The following BAG2 variants were observed in gnomAD, a reference collection of about 807,000 sequenced individuals.
BAG2 encodes the protein BAG cochaperone 2.
Under a neutral mutation model 16.4 loss-of-function variants are expected in BAG2, and 8 were observed. The ratio of observed to expected loss-of-function variants is 0.49; its 90% CI spans 0.29 to 0.88. BAG2 has a LOEUF of 0.88. Ranked by LOEUF, BAG2 falls within the 40% of genes least tolerant of loss-of-function variation. The pLI is 0.09. For synonymous variants in BAG2, 82 were observed against 89.2 expected (o/e 0.92, Z 0.46); for missense variants, 218 against 248.9 (o/e 0.88, Z 0.84).
chr6:57,183,068 G>T (rs779342211), intron 2 of BAG2, among the ~76,000 whole-genome samples: 1 of 152,206 alleles, frequency 6.6e-6, no homozygotes, highest in Non-Finnish European at 1.5e-5. Flanking sequence ...ACATGGTACT[G>T]GGCCAAGTGG....
At position 57,172,575 on chromosome 6, in the gene BAG2, CG is replaced by C. The variant is rs1764151411; in HGVS notation, c.-120del. The stretch of plus-strand genomic sequence containing the variant: ...GGCGAGTCCTCCCGGGTTGCCCCCG[CG>C]GGCGTCAGAGGGAGGGCGGGCGCCC... On this transcript the variant is annotated 5_prime_UTR_variant, in exon 1 of 3. Transcript: ENST00000370693. 2 of 766,256 alleles carry C rather than the reference CG, an allele frequency of 2.6e-6. No individual in the cohort carries two copies. The highest frequency in any genetic ancestry group is 5.7e-5 in the South Asian group (2 of 35,300). The allele number at this position is 766,256 out of a possible 1,614,324, so 47.5% of individuals were successfully genotyped here.
intron 1 of BAG2, chr6:57,173,060 C>A: frequency 1.2e-6 from 1 of 836,426 alleles, no homozygotes; most frequent in Non-Finnish European, 1.6e-6. Flanking sequence ...TTATCGGTGG[C>A]CACACTTTGA....
chr6:57,173,918 G>T (rs1420169924), intron 1 of BAG2: 1 of 154,824 alleles, frequency 6.5e-6, no homozygotes, highest in Admixed American at 6.3e-5. Flanking sequence ...AATAACCACG[G>T]TATCTCTTAA....
Position 57,184,206 on chromosome 6 carries a change from GCATTTA to G in BAG2, c.*19_*24del, listed in dbSNP as rs1562643402. The G allele has an allele frequency of 6.6e-7, 1 of 1,518,574 alleles. No homozygotes were observed. Among genetic ancestry groups the G allele is most frequent in the Non-Finnish European group, 8.8e-7 (1 of 1,141,752 alleles). The allele number at this position is 1,518,574 out of a possible 1,614,324, so 94.1% of individuals were successfully genotyped here. A position where few individuals can be genotyped will look rare whatever the true frequency, so the allele number is the denominator to read the frequency against. ...ATTCAATTAGTCTTCAAACCTAAGA[GCATTTA>G]CACAATACACAAGGTGTAAAAATGA... On this transcript the variant is annotated 3_prime_UTR_variant, in exon 3 of 3. Coordinates refer to ENST00000370693, the MANE Select transcript of BAG2 (RefSeq NM_004282.4).
chr6:57,175,716 C>T (rs1764263344), intron 1 of BAG2, among the ~76,000 whole-genome samples: 1 of 152,230 alleles, frequency 6.6e-6, no homozygotes. Context: ...TTCTGGATAG[C>T]TGGACATGTG....
chr6:57,174,713 A>G (rs1327764226), intron 1 of BAG2, among the ~76,000 whole-genome samples: 1 of 152,174 alleles, frequency 6.6e-6, no homozygotes, highest in Admixed American at 6.5e-5. Flanking sequence ...AGATCCTATT[A>G]AAGTTTTTTT....
At chr6:57,175,629 C>T (rs1208549280) in intron 1 of BAG2, among the ~76,000 whole-genome samples, 1 of 152,222 alleles carries the variant, frequency 6.6e-6, no homozygotes, top group East Asian at 1.9e-4. Flanking sequence ...AATCACTTTT[C>T]TACATGGTTG....
intron 1 of BAG2, 67 bp downstream of exon 1, chr6:57,172,877 G>A (rs1171994879): frequency 4.1e-5 from 53 of 1,305,516 alleles, no homozygotes; most frequent in Non-Finnish European, 5.2e-5. Flanking sequence ...GCGGTTAGCG[G>A]ACGGAGGCCG....
At position 57,172,746 on chromosome 6, in the gene BAG2, C is replaced by A; in HGVS notation, c.49C>A (p.Arg17Ser). 6.3e-7 allele frequency: 1 copy of A among 1,582,554 alleles called. No individual in the cohort carries two copies. Among genetic ancestry groups the A allele is most frequent in the Non-Finnish European group, 8.6e-7 (1 of 1,167,298 alleles). ...TAAAGCCAACGAGGGGCGCTTCTGC[C>A]GCTCCTCCTCCATGGCTGACCGCTC... ...NAKANEGRFC[R>S]SSSMADRSSR... The change falls in exon 1 of 3, where the codon CGC (arginine) becomes AGC (serine). Residue 17 changes from arginine (R) to serine (S), a missense_variant. By Grantham distance (110) the Arg-to-Ser change is moderately radical (BLOSUM62 -1). This residue lies in a region of BAG2 where 75 missense variants were observed against 63.1 expected (regional missense o/e 1.19). Transcript: ENST00000370693.
intron 1 of BAG2, among the ~76,000 whole-genome samples, chr6:57,177,868 G>A (rs929838767): frequency 6.6e-6 from 1 of 152,176 alleles, no homozygotes; most frequent in Admixed American, 6.5e-5. Flanking sequence ...TTGCCGTTTC[G>A]ATACTGAGAC....
Position 57,172,757 on chromosome 6 carries a change from C to T in BAG2, c.60C>T (p.Ser20=). ...AGGGGCGCTTCTGCCGCTCCTCCTCCATGGCTGACCGCTCCAGCCGCCTGC... is the reference window on the plus strand; with the variant it reads ...AGGGGCGCTTCTGCCGCTCCTCCTCTATGGCTGACCGCTCCAGCCGCCTGC... The part of the protein sequence containing the change: ...ANEGRFCRSS[S]MADRSSRLLE... The change falls in exon 1 of 3, where the codon TCC becomes TCT. Residue 20 remains serine, a synonymous_variant. Transcript: ENST00000370693. 2 of 1,582,042 alleles carry T rather than the reference C, an allele frequency of 1.3e-6. No homozygotes were observed. The highest frequency in any genetic ancestry group is 1.7e-6 in the Non-Finnish European group (2 of 1,167,030).
In BAG2 at chr6:57,186,064, C is replaced by T. The variant is rs1764605202; in HGVS notation, c.*1874C>T. On this transcript the variant is annotated 3_prime_UTR_variant, in exon 3 of 3. Transcript: ENST00000370693. ...TTTACAGTGTCTCCAGCATTCTGTA[C>T]CTAGAGCCACATCTAAAGGGCAGGG... 1 of 152,232 alleles carries T rather than the reference C, an allele frequency of 6.6e-6. No individual in the cohort carries two copies. The highest frequency in any genetic ancestry group is 1.5e-5 in the Non-Finnish European group (1 of 68,046). The allele number at this position is 152,232 out of a possible 1,614,324, so 9.4% of individuals were successfully genotyped here.
rs1764764645 is a variant in BAG2 at position 57,189,810 on chromosome 6, GAAAAT to G, written c.*5625_*5629del. 6.5e-6 allele frequency: 1 copy of G among 152,682 alleles called. No individual in the cohort carries two copies. The highest frequency in any genetic ancestry group is 2.4e-5 in the African/African-American group (1 of 41,430). 9.5% of individuals were successfully genotyped at this position (152,682 alleles called of 1,614,324 possible). On this transcript the variant is annotated 3_prime_UTR_variant, in exon 3 of 3. Transcript: ENST00000370693. ...AATATATGTCTAGAGTTTATCATTT[GAAAAT>G]AAAAACATATACACAATATGTAAAT...
At chr6:57,176,076 C>A (rs145268389) in intron 1 of BAG2, among the ~76,000 whole-genome samples, 294 of 152,252 alleles carry the variant, frequency 1.9e-3, no homozygotes, top group African/African-American at 6.5e-3. Context: ...TTGGTCACAG[C>A]CTTCTGTGTT....
At chr6:57,178,008 C>T (rs1764332095) in intron 1 of BAG2, among the ~76,000 whole-genome samples, 1 of 152,138 alleles carries the variant, frequency 6.6e-6, no homozygotes, top group South Asian at 2.1e-4. Context: ...TGATTTCATG[C>T]AGGGAGTTTT....
chr6:57,174,316 A>G, intron 1 of BAG2: 1 of 1,303,792 alleles, frequency 7.7e-7, no homozygotes, highest in Admixed American at 2.3e-5. Context: ...TTCCTAAAGG[A>G]ATGGGGAGGT....
At position 57,184,386 on chromosome 6, in the gene BAG2, G is replaced by C. The variant is rs544374083; in HGVS notation, c.*196G>C. On this transcript the variant is annotated 3_prime_UTR_variant, in exon 3 of 3. Coordinates refer to ENST00000370693, the MANE Select transcript of BAG2 (RefSeq NM_004282.4). ...TAGCAATATTTTAATTATCTATCTA[G>C]AGATTTTTTAGATTGAATTCTTGTC... is the stretch of plus-strand genomic sequence containing the variant. 57 of 448,422 alleles carry C rather than the reference G, an allele frequency of 1.3e-4. No individual in the cohort carries two copies. In the East Asian group the frequency reaches 1.9e-3, roughly 15 times the overall value. The allele number at this position is 448,422 out of a possible 1,614,324, so 27.8% of individuals were successfully genotyped here.
chr6:57,172,734 G>A lies in BAG2; in HGVS notation c.37G>A (p.Gly13Arg). 6.3e-7 allele frequency: 1 copy of A among 1,581,454 alleles called. No individual in the cohort carries two copies. ...GAAGATCAACGCTAAAGCCAACGAG[G>A]GGCGCTTCTGCCGCTCCTCCTCCAT... ...QAKINAKANE[G>R]RFCRSSSMAD... The change falls in exon 1 of 3, where the codon GGG becomes AGG. Residue 13 changes from glycine (G) to arginine (R), a missense_variant. Gly to Arg is a moderately radical substitution (Grantham distance 125). Transcript: ENST00000370693.
rs924568725 is a variant in BAG2, at chr6:57,186,110, GTTTT to G, written c.*1924_*1927del. 2 of 152,392 alleles carry G rather than the reference GTTTT, an allele frequency of 1.3e-5. No individual in the cohort carries two copies. Among genetic ancestry groups the G allele is most frequent in the South Asian group, 4.2e-4 (2 of 4,792 alleles). 9.4% of individuals were successfully genotyped at this position (152,392 alleles called of 1,614,324 possible). On this transcript the variant is annotated 3_prime_UTR_variant, in exon 3 of 3. Transcript: ENST00000370693. ...CAGGGAATCTCCAGTGTGGTTTTTTGTTTTTTTGTTTTTTGTTTTGGAGTCTTGC... is the reference window on the plus strand; with the variant it reads ...CAGGGAATCTCCAGTGTGGTTTTTTGTTTGTTTTTTGTTTTGGAGTCTTGC...
Sources: allele counts gnomAD v4.1 joint callset (sites outside exome capture counted in the v4.1 genomes callset), GRCh38; gene constraint gnomAD v4.1.1; regional missense constraint gnomAD v4.1.1; transcripts MANE v1.5; gene names NCBI Gene and HGNC (gene_info 2026-07-23, HGNC 2026-07-21).